Variants in ADGRG6 observed in about 807,000 individuals in gnomAD.
ADGRG6 encodes adhesion G protein-coupled receptor G6.
In ADGRG6, 84 loss-of-function variants were observed where a neutral mutation model predicts 142.4. The observed-to-expected ratio is 0.59, with a 90% CI of 0.49 to 0.71. The LOEUF (loss-of-function observed/expected upper bound fraction) is 0.71, where lower values mean the gene tolerates loss of function less well. Among genes scored for constraint, ADGRG6 ranks in the 30% least tolerant of loss-of-function variants. The probability of loss-of-function intolerance (pLI) is 0.00; values close to 1 mark genes in which losing one functional copy is unlikely to be tolerated. For missense variants in ADGRG6, 1,367 were observed against 1,466.6 expected, an observed-to-expected ratio of 0.93 and a Z score of 1.11; for synonymous variants, 521 against 520.5, an observed-to-expected ratio of 1.00 and a Z score of -0.01.
chr6:142,382,988 T>G (rs1264348916), intron 5 of ADGRG6, among the ~76,000 whole-genome samples: 1 of 148,618 alleles, frequency 6.7e-6, no homozygotes, highest in Non-Finnish European at 1.5e-5. Context: ...CTATGAAAAT[T>G]AAGTCATCAA....
intron 2 of ADGRG6, among the ~76,000 whole-genome samples, chr6:142,365,237 A>T (rs554691161): frequency 1.3e-5 from 2 of 152,290 alleles, no homozygotes; most frequent in South Asian, 4.1e-4. Flanking sequence ...AAACAGCCCA[A>T]CACCCCACCC....
intron 24 of ADGRG6, 59 bp from the exon 25 acceptor site, chr6:142,443,278 G>T: frequency 9.2e-7 from 1 of 1,092,212 alleles, no homozygotes; most frequent in African/African-American, 1.6e-5. Flanking sequence ...ACAATATGGT[G>T]GCCTGTAGGC....
At position 142,412,143 on chromosome 6, in the gene ADGRG6, C is replaced by T. The variant is rs75723923; in HGVS notation, c.2541+732C>T. ...ATTTTAAGACGCACCACGCATCCAG[C>T]GACTTCTTTGAACTCATCCATAGAT... On this transcript the variant is annotated intron_variant, in intron 18 of 24. Transcript: ENST00000367609. Among the ~76,000 whole-genome samples the T allele has an allele frequency of 7.7e-3, 1,167 of 152,276 alleles. 14 individuals are homozygous for T. The highest frequency in any genetic ancestry group is 0.043 in the East Asian group (222 of 5,180).
intron 11 of ADGRG6, chr6:142,400,800 A>C: frequency 4.1e-6 from 2 of 490,422 alleles, no homozygotes. Flanking sequence ...TCCCAGCCAC[A>C]TGCTAATCAA....
intron 2 of ADGRG6, among the ~76,000 whole-genome samples, chr6:142,356,827 A>G (rs1780469749): frequency 6.6e-6 from 1 of 152,234 alleles, no homozygotes; most frequent in Non-Finnish European, 1.5e-5. Context: ...ATAACCACAT[A>G]AGCACGAATT....
chr6:142,410,093 T>C (rs1776006141), intron 17 of ADGRG6, among the ~76,000 whole-genome samples, 174 bp downstream of exon 17: 1 of 152,106 alleles, frequency 6.6e-6, no homozygotes, highest in South Asian at 2.1e-4. Context: ...AGTTCTAATT[T>C]CTGTAACTTT....
At chr6:142,323,567 A>C (rs1392813570) in intron 2 of ADGRG6, among the ~76,000 whole-genome samples, 1 of 152,144 alleles carries the variant, frequency 6.6e-6, no homozygotes, top group Admixed American at 6.6e-5. Flanking sequence ...TGCATTGCTT[A>C]ACGACAAAGG....
chr6:142,345,056 A>G (rs886782409), intron 2 of ADGRG6, among the ~76,000 whole-genome samples: 1 of 152,076 alleles, frequency 6.6e-6, no homozygotes, highest in East Asian at 1.9e-4. Context: ...GGGTCATTCA[A>G]TAATTGGACT....
intron 22 of ADGRG6, among the ~76,000 whole-genome samples, chr6:142,435,851 G>A (rs555231873): frequency 3.9e-4 from 59 of 152,338 alleles, no homozygotes; most frequent in African/African-American, 1.3e-3. Flanking sequence ...AACGGTTGCT[G>A]AGGGCCTCTC....
chr6:142,426,588 G>C (rs1260881388), intron 22 of ADGRG6, among the ~76,000 whole-genome samples: 1 of 152,160 alleles, frequency 6.6e-6, no homozygotes, highest in Non-Finnish European at 1.5e-5. Flanking sequence ...ACCATTCTGG[G>C]ATCTGGAAGA....
chr6:142,348,288 C>A (rs948166072), intron 2 of ADGRG6, among the ~76,000 whole-genome samples: 5 of 152,112 alleles, frequency 3.3e-5, no homozygotes, highest in Non-Finnish European at 7.4e-5. Flanking sequence ...ATATGAAACT[C>A]CAACTTTGAT....
Position 142,390,317 on chromosome 6 carries a change from A to C in ADGRG6, c.1282A>C (p.Lys428Gln), listed in dbSNP as rs1264202969. The change falls in exon 7 of 25, where the codon AAA becomes CAA. Residue 428 changes from lysine to glutamine, a missense_variant. This residue lies in a region of ADGRG6 where 737 missense variants were observed against 746.5 expected (regional missense o/e 0.99). Transcript: ENST00000367609. ...GAACATCCTTCGTCACCCTGAGGTA[A>C]AAGTACAGAGCAAGGTGGCAGAATG... ...IQNILRHPEV[K>Q]VQSKVAEWLN... is the part of the protein sequence containing the mutation. 6.2e-7 allele frequency: 1 copy of C among 1,600,294 alleles called. No individual in the cohort carries two copies. Among genetic ancestry groups the C allele is most frequent in the Non-Finnish European group, 8.5e-7 (1 of 1,169,798 alleles).
At chr6:142,348,185 TA>T (rs1423935391) in intron 2 of ADGRG6, among the ~76,000 whole-genome samples, 4 of 152,048 alleles carry the variant, frequency 2.6e-5, no homozygotes, top group Non-Finnish European at 5.9e-5. Flanking sequence ...CAGAAGTCAA[TA>T]AAAAACAAAC....
chr6:142,390,232 G>A lies in ADGRG6; in HGVS notation c.1223-26G>A, dbSNP rs367683598. On this transcript the variant is annotated intron_variant, in intron 6 of 24. Coordinates refer to ENST00000367609, the MANE Select transcript of ADGRG6 (RefSeq NM_198569.3). ...ATATAACTATAAACATATAATTAAT[G>A]GACTAATCCTATTTCCAATGGGCAG... 1.1e-5 allele frequency: 13 copies of A among 1,141,868 alleles called. No individual in the cohort carries two copies. In the Middle Eastern group the frequency reaches 8.0e-4, roughly 70 times the overall value. 70.7% of individuals were successfully genotyped at this position (1,141,868 alleles called of 1,614,324 possible).
chr6:142,362,928 C>G (rs1419860972), intron 2 of ADGRG6, among the ~76,000 whole-genome samples: 1 of 151,972 alleles, frequency 6.6e-6, no homozygotes, highest in Admixed American at 6.6e-5. Context: ...TTTTAAGCAA[C>G]AAATGAGCTT....
intron 2 of ADGRG6, among the ~76,000 whole-genome samples, chr6:142,338,013 C>CTTTGT (rs1562320934): frequency 2.3e-4 from 6 of 26,040 alleles, no homozygotes; most frequent in Non-Finnish European, 4.1e-4. Context: ...TGCCTTGTAT[C>CTTTGT]TTTGTTTTTT....
At chr6:142,359,905 A>C (rs1780634921) in intron 2 of ADGRG6, among the ~76,000 whole-genome samples, 1 of 152,194 alleles carries the variant, frequency 6.6e-6, no homozygotes, top group African/African-American at 2.4e-5. Flanking sequence ...TTACCTTCAT[A>C]CTAGGATATT....
Position 142,415,963 on chromosome 6 carries a change from C to G in ADGRG6, c.2837C>G (p.Thr946Ser). ...CATTTCTTCCTTCTGGCAACCTTTACCTGGATGGGGCTAGAAGCAATTCAC... is the reference window on the plus strand; with the variant it reads ...CATTTCTTCCTTCTGGCAACCTTTAGCTGGATGGGGCTAGAAGCAATTCAC... ...LLHFFLLATF[T>S]WMGLEAIHMY... The change falls in exon 20 of 25, where the codon ACC becomes AGC. Residue 946 changes from threonine (T) to serine (S), a missense_variant. Around this residue, in one of 3 missense-constraint regions of ADGRG6, gnomAD observed 286 missense variants for 371.4 expected, o/e 0.77. Transcript: ENST00000367609. 6.2e-7 allele frequency: 1 copy of G among 1,613,164 alleles called. No individual in the cohort carries two copies. The highest frequency in any genetic ancestry group is 8.5e-7 in the Non-Finnish European group (1 of 1,179,288).
chr6:142,402,640 A>G lies in ADGRG6; in HGVS notation c.1765A>G (p.Asn589Asp). ...TTTAGAAGAAGCAAATGAAGTTGCT[A>G]ACCAGATTTTAAATTTAACTGCTGA... ...NCLKEANEVA[N>D]QILNLTADGQ... The change falls in exon 13 of 25, where the codon AAC becomes GAC. Residue 589 changes from asparagine (N) to aspartate (D), a missense_variant. Asn to Asp is a conservative substitution (Grantham distance 23, BLOSUM62 1). Coordinates refer to ENST00000367609, the MANE Select transcript of ADGRG6 (RefSeq NM_198569.3). 6.3e-7 allele frequency: 1 copy of G among 1,594,502 alleles called. No individual in the cohort carries two copies. Among genetic ancestry groups the G allele is most frequent in the East Asian group, 2.2e-5 (1 of 44,476 alleles).
Sources: allele counts gnomAD v4.1 joint callset (sites outside exome capture counted in the v4.1 genomes callset), GRCh38; gene constraint gnomAD v4.1.1; regional missense constraint gnomAD v4.1.1; transcripts MANE v1.5; gene names NCBI Gene and HGNC (gene_info 2026-07-23, HGNC 2026-07-21).